The following HPSE2 variants were observed in gnomAD, a reference collection of about 807,000 sequenced individuals.
HPSE2 encodes heparanase 2 (inactive).
HPSE2 carries 38 observed loss-of-function variants against 60.5 expected under a neutral mutation model. The ratio of observed to expected loss-of-function variants is 0.63; its 90% CI spans 0.48 to 0.82. The LOEUF is 0.82. Ranked by LOEUF, HPSE2 falls within the 40% of genes least tolerant of loss-of-function variation. The pLI, the probability that HPSE2 is intolerant of heterozygous loss-of-function variation, is 0.00. For missense variants in HPSE2, 713 were observed against 740.4 expected (o/e 0.96, Z 0.43); for synonymous variants, 295 against 293.2 (o/e 1.01, Z -0.06).
At chr10:98,730,430 C>T (rs898190501) in intron 4 of HPSE2, among the ~76,000 whole-genome samples, 23 of 151,214 alleles carry the variant, frequency 1.5e-4, no homozygotes, top group South Asian at 6.3e-4. Flanking sequence ...GAAAAAAGAA[C>T]GGAAAACTAC....
Position 98,492,762 on chromosome 10 carries a change from T to C in HPSE2, c.1321-2566A>G, listed in dbSNP as rs536621637. Among the ~76,000 whole-genome samples, 3 of 152,178 alleles carry C rather than the reference T, an allele frequency of 2.0e-5. No individual in the cohort carries two copies. In the East Asian group the frequency reaches 5.8e-4, roughly 29 times the overall value. On this transcript the variant is annotated intron_variant, in intron 9 of 11. Coordinates refer to ENST00000370552, the MANE Select transcript of HPSE2 (RefSeq NM_021828.5). ...TTTGGGATAGATATATAAAAGAAGT[T>C]GATAAGGTTAATTCCTAATGACCAA... is the stretch of plus-strand genomic sequence containing the variant.
At chr10:99,223,831 A>C (rs947986848) in intron 2 of HPSE2, among the ~76,000 whole-genome samples, 2 of 152,154 alleles carry the variant, frequency 1.3e-5, no homozygotes, top group African/African-American at 4.8e-5. Flanking sequence ...AAAGAGGGAA[A>C]TTAATGGGTA....
intron 9 of HPSE2, among the ~76,000 whole-genome samples, chr10:98,562,583 T>C (rs2133877670): frequency 6.6e-6 from 1 of 151,938 alleles, no homozygotes; most frequent in South Asian, 2.1e-4. Flanking sequence ...GGCGTGGTGG[T>C]GGGCGCCTGT....
chr10:98,472,596 A>G (rs1940824055), intron 11 of HPSE2, among the ~76,000 whole-genome samples: 1 of 152,230 alleles, frequency 6.6e-6, no homozygotes, highest in Non-Finnish European at 1.5e-5. Context: ...TCTTAGCCTG[A>G]ACGTTATAGG....
intron 4 of HPSE2, among the ~76,000 whole-genome samples, chr10:98,726,435 T>G (rs1171595967): frequency 8.0e-6 from 1 of 125,134 alleles, no homozygotes; most frequent in Non-Finnish European, 1.5e-5. Flanking sequence ...AACTGAACAA[T>G]GAGAACACAT....
intron 3 of HPSE2, among the ~76,000 whole-genome samples, chr10:99,106,086 T>C (rs1844236480): frequency 6.6e-6 from 1 of 152,150 alleles, no homozygotes; most frequent in African/African-American, 2.4e-5. Flanking sequence ...ATTTTGGTTA[T>C]TCTAGATCCT....
chr10:98,547,929 C>G (rs1237459649), intron 9 of HPSE2, among the ~76,000 whole-genome samples: 1 of 151,914 alleles, frequency 6.6e-6, no homozygotes, highest in Non-Finnish European at 1.5e-5. Context: ...TTGAACTAGA[C>G]AAAATTTCAA....
chr10:99,163,317 T>G (rs537087911), intron 2 of HPSE2, among the ~76,000 whole-genome samples: 2 of 152,310 alleles, frequency 1.3e-5, no homozygotes, highest in African/African-American at 4.8e-5. Flanking sequence ...ATTCTATTCT[T>G]TGATAACATT....
At chr10:98,552,921 G>C (rs1943903545) in intron 9 of HPSE2, among the ~76,000 whole-genome samples, 1 of 152,076 alleles carries the variant, frequency 6.6e-6, no homozygotes, top group African/African-American at 2.4e-5. Context: ...AGAACCCCAA[G>C]GGTCAAGACA....
rs991493294 is a variant in HPSE2, at chr10:98,929,432, A to G, written c.611-185376T>C. Among the ~76,000 whole-genome samples, 5 of 144,274 alleles carry G rather than the reference A, an allele frequency of 3.5e-5. 1 individual carries two copies. Among genetic ancestry groups the G allele is most frequent in the East Asian group, 2.0e-4 (1 of 5,118 alleles). The allele number at this position is 144,274 out of a possible 152,430, so 94.6% of individuals were successfully genotyped here. A position where few individuals can be genotyped will look rare whatever the true frequency, so the allele number is the denominator to read the frequency against. On this transcript the variant is annotated intron_variant, in intron 3 of 11. Transcript: ENST00000370552. ...AAAATGGAAAATGGAGGTAGAAAAG[A>G]TAATACTCAAGATCCTTTCTGGCCC...
intron 4 of HPSE2, among the ~76,000 whole-genome samples, chr10:98,723,383 T>G (rs1264862596): frequency 3.7e-5 from 2 of 54,046 alleles, no homozygotes; most frequent in Admixed American, 2.0e-4. Context: ...TTATTGAGGA[T>G]TTTTGCATCA....
intron 11 of HPSE2, among the ~76,000 whole-genome samples, chr10:98,472,598 C>T (rs976083578): frequency 2.0e-5 from 3 of 152,172 alleles, no homozygotes; most frequent in African/African-American, 7.2e-5. Context: ...TTAGCCTGAA[C>T]GTTATAGGCA....
chr10:98,703,476 C>CA (rs367557113), intron 5 of HPSE2, among the ~76,000 whole-genome samples: 2 of 151,684 alleles, frequency 1.3e-5, no homozygotes, highest in African/African-American at 2.4e-5. Context: ...AGAGACACAA[C>CA]AAAAAAAAGA....
chr10:99,161,756 C>T (rs1846855492), intron 2 of HPSE2, among the ~76,000 whole-genome samples: 1 of 152,060 alleles, frequency 6.6e-6, no homozygotes. Flanking sequence ...GCACTATTTA[C>T]AGTAGCCAAA....
intron 9 of HPSE2, among the ~76,000 whole-genome samples, chr10:98,553,808 C>A (rs1943928365): frequency 6.6e-6 from 1 of 152,158 alleles, no homozygotes; most frequent in Non-Finnish European, 1.5e-5. Flanking sequence ...TCTTTTCTCT[C>A]TATGGCTCTT....
At chr10:99,241,952 C>G in the HPSE2 span, among the ~76,000 whole-genome samples, 40 of 152,228 alleles carry the variant, frequency 2.6e-4, no homozygotes, top group African/African-American at 9.4e-4. Context: ...TGTTAATAAA[C>G]GTGGTCAAAC....
chr10:98,769,671 G>C (rs1950200711), intron 3 of HPSE2, among the ~76,000 whole-genome samples: 2 of 152,134 alleles, frequency 1.3e-5, no homozygotes, highest in African/African-American at 4.8e-5. Context: ...ACTATAAAGA[G>C]CTAGCCTCGG....
intron 11 of HPSE2, among the ~76,000 whole-genome samples, chr10:98,465,432 C>A (rs935452222): frequency 1.3e-5 from 2 of 152,186 alleles, no homozygotes; most frequent in African/African-American, 4.8e-5. Context: ...TGCACTGACG[C>A]CCTTAACCAT....
chr10:98,600,867 G>GTATATATATATACATATATA (rs1199889250), intron 9 of HPSE2, among the ~76,000 whole-genome samples: 1 of 79,258 alleles, frequency 1.3e-5, no homozygotes, highest in Non-Finnish European at 2.9e-5. Context: ...ATATATATAC[G>GTATATATATATACATATATA]TATATATGTA....
Sources: gnomAD v4.1 joint callset for allele counts (sites outside exome capture counted in the v4.1 genomes callset) on GRCh38, gnomAD v4.1.1 for gene constraint, MANE v1.5 for transcripts, NCBI Gene and HGNC (gene_info 2026-07-23, HGNC 2026-07-21) for gene names.